Variants in PRKCH observed in about 807,000 individuals in gnomAD.
PRKCH encodes protein kinase C eta.
In PRKCH, 28 loss-of-function variants were observed where a neutral mutation model predicts 82.5. That is an observed-to-expected ratio of 0.34 (90% CI 0.25 to 0.47). The LOEUF (loss-of-function observed/expected upper bound fraction) is 0.47. PRKCH is among the 20% of genes least tolerant of loss of function. The pLI, the probability that PRKCH is intolerant of heterozygous loss-of-function variation, is 1.00. For synonymous variants in PRKCH, 322 were observed against 327.4 expected (o/e 0.98, Z 0.18); for missense variants, 705 against 881.8 (o/e 0.80, Z 2.54).
In PRKCH at chr14:61,550,200, C is replaced by T. The variant is rs976477227; in HGVS notation, c.*369C>T. The T allele has an allele frequency of 5.7e-6, 1 of 176,234 alleles. No individual in the cohort carries two copies. The highest frequency in any genetic ancestry group is 1.2e-5 in the Non-Finnish European group (1 of 82,608). The allele number at this position is 176,234 out of a possible 1,614,324, so 10.9% of individuals were successfully genotyped here. On this transcript the variant is annotated 3_prime_UTR_variant, in exon 14 of 14. Transcript: ENST00000332981. ...TCTTAATTCAAGAGACAAACCAAGA[C>T]GTTCTGTCAACTGTGCTGTGCTCTT... is the stretch of plus-strand genomic sequence containing the variant.
At chr14:61,487,922 G>C (rs976406009) in intron 10 of PRKCH, among the ~76,000 whole-genome samples, 1 of 152,240 alleles carries the variant, frequency 6.6e-6, no homozygotes, top group South Asian at 2.1e-4. Context: ...GGGAGGCCGA[G>C]GCGGGCGGAT....
intron 1 of PRKCH, among the ~76,000 whole-genome samples, chr14:61,332,479 C>T (rs557096920): frequency 2.0e-5 from 3 of 152,350 alleles, no homozygotes; most frequent in African/African-American, 7.2e-5. Flanking sequence ...GTACTGCCTT[C>T]CCAAAAGTTC....
In PRKCH at chr14:61,392,439, C is replaced by T. The variant is rs78290217; in HGVS notation, c.427+1151C>T. Among the ~76,000 whole-genome samples, 460 of 152,244 alleles carry T rather than the reference C, an allele frequency of 3.0e-3. 3 individuals are homozygous for T. The highest frequency in any genetic ancestry group is 0.01 in the African/African-American group (432 of 41,554). Reference sequence around the variant, plus strand: ...ACTTTCTATGGCCATTGCTTTTCATCGTAGACATTCTAGTGGGTATGAAAT... The same window carrying T: ...ACTTTCTATGGCCATTGCTTTTCATTGTAGACATTCTAGTGGGTATGAAAT... On this transcript the variant is annotated intron_variant, in intron 2 of 13. Transcript: ENST00000332981.
chr14:61,199,909 A>G (rs935798424), intron 1 of PRKCH, among the ~76,000 whole-genome samples: 1 of 152,238 alleles, frequency 6.6e-6, no homozygotes, highest in Non-Finnish European at 1.5e-5. Context: ...GCCAAGATGT[A>G]CAGAGTGGTA....
intron 1 of PRKCH, among the ~76,000 whole-genome samples, chr14:61,323,893 G>C (rs1050387772): frequency 6.6e-6 from 1 of 152,234 alleles, no homozygotes; most frequent in African/African-American, 2.4e-5. Context: ...CTGATTAGGA[G>C]TTAGGTCGGG....
chr14:61,234,766 G>A (rs529641730), intron 1 of PRKCH, among the ~76,000 whole-genome samples: 21 of 152,290 alleles, frequency 1.4e-4, no homozygotes, highest in African/African-American at 4.8e-4. Flanking sequence ...TGTAAGCAAA[G>A]CCAAATCCAG....
chr14:61,188,703 T>G, intron 1 of PRKCH, among the ~76,000 whole-genome samples: 1 of 51,396 alleles, frequency 1.9e-5, no homozygotes, highest in African/African-American at 5.8e-5. Context: ...GACGTTGCTG[T>G]AGTGTGTGTG....
intron 1 of PRKCH, among the ~76,000 whole-genome samples, chr14:61,358,104 G>A (rs1249023026): frequency 4.6e-5 from 7 of 152,080 alleles, no homozygotes; most frequent in Non-Finnish European, 1.0e-4. Context: ...AATCAGATTT[G>A]GATTTGAATT....
At chr14:61,266,657 T>C (rs2045104325) in intron 1 of PRKCH, among the ~76,000 whole-genome samples, 1 of 152,146 alleles carries the variant, frequency 6.6e-6, no homozygotes, top group Non-Finnish European at 1.5e-5. Context: ...TGGAAACTTG[T>C]TTTACGAAGG....
intron 2 of PRKCH, among the ~76,000 whole-genome samples, chr14:61,432,147 C>A (rs1192947915): frequency 1.3e-5 from 2 of 151,960 alleles, no homozygotes; most frequent in Non-Finnish European, 2.9e-5. Context: ...TACCACTTTA[C>A]CCTCCTACTG....
intron 1 of PRKCH, among the ~76,000 whole-genome samples, chr14:61,383,951 A>C (rs1224156513): frequency 6.6e-6 from 1 of 152,200 alleles, no homozygotes; most frequent in African/African-American, 2.4e-5. Flanking sequence ...AGCCAGGTGG[A>C]GCAGGGTGTT....
intron 1 of PRKCH, among the ~76,000 whole-genome samples, chr14:61,246,279 G>A (rs1264892610): frequency 1.3e-5 from 2 of 149,830 alleles, no homozygotes; most frequent in East Asian, 2.0e-4. Flanking sequence ...GTGGTGGCAC[G>A]TGCCTGTAAT....
intron 1 of PRKCH, among the ~76,000 whole-genome samples, chr14:61,286,977 G>A (rs973667670): frequency 6.6e-6 from 1 of 151,926 alleles, no homozygotes; most frequent in Non-Finnish European, 1.5e-5. Flanking sequence ...AGGCCAAGGC[G>A]GGTGGATCAC....
intron 1 of PRKCH, among the ~76,000 whole-genome samples, chr14:61,192,265 A>G (rs1303118433): frequency 6.6e-6 from 1 of 152,156 alleles, no homozygotes; most frequent in Non-Finnish European, 1.5e-5. Flanking sequence ...GACTAGATTA[A>G]TTTTCCTATG....
intron 1 of PRKCH, among the ~76,000 whole-genome samples, chr14:61,326,703 C>T (rs2045701645): frequency 6.6e-6 from 1 of 152,178 alleles, no homozygotes; most frequent in South Asian, 2.1e-4. Flanking sequence ...AAGTCTGACT[C>T]TTGAAAACTA....
At chr14:61,466,781 C>G (rs147806512) in intron 9 of PRKCH, among the ~76,000 whole-genome samples, 8 of 152,272 alleles carry the variant, frequency 5.3e-5, no homozygotes, top group African/African-American at 1.9e-4. Context: ...CGATGCCGGT[C>G]GCTTTTGCCT....
intron 1 of PRKCH, among the ~76,000 whole-genome samples, chr14:61,368,440 C>T (rs959505727): frequency 6.6e-6 from 1 of 152,122 alleles, no homozygotes. Context: ...CATGCCGGGT[C>T]TTCTGCCTAA....
intron 1 of PRKCH, among the ~76,000 whole-genome samples, chr14:61,386,240 T>A (rs4902051): frequency 0.25 from 37,967 of 152,040 alleles, 6,252 homozygotes; most frequent in African/African-American, 0.47. Flanking sequence ...AGGAAGGGGT[T>A]TAGTGTCTAG....
At chr14:61,467,943 CT>C (rs1383810433) in intron 9 of PRKCH, among the ~76,000 whole-genome samples, 1 of 152,212 alleles carries the variant, frequency 6.6e-6, no homozygotes, top group Non-Finnish European at 1.5e-5. Context: ...AATTAAACAA[CT>C]TGCCCCAGAT....
Sources: allele counts gnomAD v4.1 joint callset (sites outside exome capture counted in the v4.1 genomes callset), GRCh38; gene constraint gnomAD v4.1.1; transcripts MANE v1.5; gene names NCBI Gene and HGNC (gene_info 2026-07-23, HGNC 2026-07-21).